The following SLC49A4 variants were observed in gnomAD, a reference collection of about 807,000 sequenced individuals.
SLC49A4 encodes solute carrier family 49 member 4, also known as disrupted in renal cancer protein 2.
SLC49A4 carries 36 observed loss-of-function variants against 50.6 expected under a neutral mutation model. The ratio of observed to expected loss-of-function variants is 0.71; its 90% CI spans 0.55 to 0.94. The LOEUF (loss-of-function observed/expected upper bound fraction) is 0.94, where lower values mean the gene tolerates loss of function less well. SLC49A4 is among the 40% of genes least tolerant of loss of function. The pLI is 0.00. For synonymous variants in SLC49A4, 248 were observed against 241.2 expected (o/e 1.03, Z -0.26); for missense variants, 503 against 605.7 (o/e 0.83, Z 1.78).
At chr3:122,845,983 T>C (rs762634511) in intron 5 of SLC49A4, 112 bp downstream of exon 5, 7 of 580,772 alleles carry the variant, frequency 1.2e-5, no homozygotes, top group Non-Finnish European at 1.9e-5. Context: ...CATCGTCCTA[T>C]ACCATTGTTG....
At chr3:122,855,017 C>A (rs1396903666) in intron 5 of SLC49A4, among the ~76,000 whole-genome samples, 1 of 151,614 alleles carries the variant, frequency 6.6e-6, no homozygotes, top group Non-Finnish European at 1.5e-5. Flanking sequence ...GGTGTAAACC[C>A]GGGAGGCGGA....
At chr3:122,844,685 G>A (rs1021598901) in intron 4 of SLC49A4, among the ~76,000 whole-genome samples, 6 of 152,042 alleles carry the variant, frequency 3.9e-5, no homozygotes, top group Admixed American at 1.3e-4. Context: ...GGGAGGCTGA[G>A]GCAGGAGAAG....
rs1463590096 is a variant in SLC49A4, at chr3:122,799,020, A to T, written c.343+3485A>T. On this transcript the variant is annotated intron_variant, in intron 1 of 8. Transcript: ENST00000261038. ...TTCCCACCCTTTTTCATTTACCAGC[A>T]AGGAGACAGAAAAGGACTAGCCAGA... is the stretch of plus-strand genomic sequence containing the variant. Among the ~76,000 whole-genome samples, 3 of 152,148 alleles carry T rather than the reference A, an allele frequency of 2.0e-5. No individual in the cohort carries two copies. The South Asian group carries it at 6.2e-4, about 32-fold the overall frequency.
intron 2 of SLC49A4, among the ~76,000 whole-genome samples, chr3:122,814,408 A>G (rs562852000): frequency 3.3e-5 from 5 of 152,242 alleles, no homozygotes; most frequent in Non-Finnish European, 5.9e-5. Context: ...AACTGGGAGA[A>G]ATATGTGTTG....
chr3:122,872,097 A>G (rs1035120267), intron 7 of SLC49A4, among the ~76,000 whole-genome samples: 10 of 152,216 alleles, frequency 6.6e-5, no homozygotes, highest in African/African-American at 2.2e-4. Context: ...GAACAAGTCT[A>G]CAGGAATGTG....
At chr3:122,856,460 A>G (rs1294497734) in intron 6 of SLC49A4, 86 bp downstream of exon 6, 5 of 1,237,196 alleles carry the variant, frequency 4.0e-6, no homozygotes, top group African/African-American at 3.0e-5. Flanking sequence ...TAAACATTAC[A>G]ATTCAGGGAA....
In SLC49A4 at chr3:122,860,147, C is replaced by T; in HGVS notation, c.1083C>T (p.Ser361=). The T allele has an allele frequency of 6.2e-7, 1 of 1,613,308 alleles. No homozygotes were observed. Among genetic ancestry groups the T allele is most frequent in the Non-Finnish European group, 8.5e-7 (1 of 1,179,542 alleles). ...TGTTTTCGGGAGCTACACTGTCATC[C>T]ACGTGGTTCACCCTGACCTGTTTGA... ...LLLFSGATLS[S]TWFTLTCLNS... The change falls in exon 7 of 9, where the codon TCC becomes TCT. Residue 361 remains serine (S), a synonymous_variant. Coordinates refer to ENST00000261038, the MANE Select transcript of SLC49A4 (RefSeq NM_032839.3).
At position 122,826,912 on chromosome 3, in the gene SLC49A4, G is replaced by A. The variant is rs1936537740; in HGVS notation, c.550G>A (p.Ala184Thr). 1 of 1,614,202 alleles carries A rather than the reference G, an allele frequency of 6.2e-7. No individual in the cohort carries two copies. The highest frequency in any genetic ancestry group is 1.3e-5 in the African/African-American group (1 of 75,054). Reference sequence around the variant, plus strand: ...TGCAGATGAAAGGGCCACAGCCACAGCTATTGCATCAATGCTCAGTTATCT... The same window carrying A: ...TGCAGATGAAAGGGCCACAGCCACAACTATTGCATCAATGCTCAGTTATCT... ...FSADERATAT[A>T]IASMLSYLGG... is the part of the protein sequence containing the mutation. Residue 184 changes from alanine to threonine, a missense_variant, in exon 3 of 9, where the codon GCT becomes ACT. Ala to Thr is a moderately conservative substitution (Grantham distance 58). Transcript: ENST00000261038.
intron 4 of SLC49A4, among the ~76,000 whole-genome samples, chr3:122,838,690 A>T (rs1381907121): frequency 6.6e-6 from 1 of 152,096 alleles, no homozygotes; most frequent in Admixed American, 6.5e-5. Flanking sequence ...CATGTACCCT[A>T]AAACTTAAAG....
At chr3:122,867,541 A>G (rs1460959122) in intron 7 of SLC49A4, among the ~76,000 whole-genome samples, 1 of 152,260 alleles carries the variant, frequency 6.6e-6, no homozygotes, top group African/African-American at 2.4e-5. Context: ...ATTTTTAGAA[A>G]TTATATAAAT....
chr3:122,836,869 A>G (rs2107569828), intron 4 of SLC49A4, among the ~76,000 whole-genome samples: 2 of 152,354 alleles, frequency 1.3e-5, no homozygotes, highest in South Asian at 4.1e-4. Context: ...GCAAAGTCTC[A>G]GGATACAAAA....
chr3:122,806,724 A>AT, intron 1 of SLC49A4, 133 bp from the exon 2 acceptor site: 1 of 538,742 alleles, frequency 1.9e-6, no homozygotes, highest in Non-Finnish European at 3.3e-6. Context: ...TTTTTTTTCC[A>AT]TTTTTAAAGT....
chr3:122,833,580 A>T (rs1391978609), intron 4 of SLC49A4, 134 bp downstream of exon 4: 2 of 762,486 alleles, frequency 2.6e-6, no homozygotes, highest in Admixed American at 7.0e-5. Context: ...TAAAATACTA[A>T]TTGAATATTT....
intron 6 of SLC49A4, among the ~76,000 whole-genome samples, chr3:122,856,765 A>G (rs1265889971): frequency 6.7e-6 from 1 of 149,734 alleles, no homozygotes; most frequent in Non-Finnish European, 1.5e-5. Flanking sequence ...GAACCCCGGG[A>G]GGCAGAGGTT....
chr3:122,862,906 G>A (rs1324174692), intron 7 of SLC49A4, among the ~76,000 whole-genome samples: 2 of 152,076 alleles, frequency 1.3e-5, no homozygotes, highest in Non-Finnish European at 2.9e-5. Context: ...TCGGAAAAAT[G>A]CATTTGAAAA....
intron 4 of SLC49A4, among the ~76,000 whole-genome samples, chr3:122,838,918 T>C (rs1036065273): frequency 2.0e-5 from 3 of 150,842 alleles, no homozygotes; most frequent in African/African-American, 7.3e-5. Context: ...CAAAAAAGAG[T>C]CCAAATAGCC....
intron 1 of SLC49A4, 23 bp downstream of exon 1, chr3:122,795,558 C>CCCGCGCTGTCTCTCCT (rs1362924402): frequency 1.5e-5 from 24 of 1,570,830 alleles, no homozygotes; most frequent in Non-Finnish European, 2.1e-5. Context: ...GGAGCGCCAG[C>CCCGCGCTGTCTCTCCT]CCGCGCTGTC....
In SLC49A4 at chr3:122,827,137, A is replaced by G. The variant is rs547428478; in HGVS notation, c.703+72A>G. On this transcript the variant is annotated intron_variant, in intron 3 of 8. Transcript: ENST00000261038. ...CAATCATCTTCACTCTACTTTTTGT[A>G]TAACAGATACCTTCATATGAAATAC... is the stretch of plus-strand genomic sequence containing the variant. 6 of 1,499,054 alleles carry G rather than the reference A, an allele frequency of 4.0e-6. No individual in the cohort carries two copies. The East Asian group carries it at 1.1e-4, about 28-fold the overall frequency. 92.9% of individuals were successfully genotyped at this position (1,499,054 alleles called of 1,614,324 possible).
At chr3:122,807,025 A>G in intron 2 of SLC49A4, 75 bp downstream of exon 2, 1 of 832,250 alleles carries the variant, frequency 1.2e-6, no homozygotes, top group Non-Finnish European at 2.0e-6. Context: ...AGATCAGTAA[A>G]GGGTCATATT....
Sources: gnomAD v4.1 joint callset for allele counts (sites outside exome capture counted in the v4.1 genomes callset) on GRCh38, gnomAD v4.1.1 for gene constraint, MANE v1.5 for transcripts, NCBI Gene and HGNC (gene_info 2026-07-23, HGNC 2026-07-21) for gene names.